The following TSHZ3 variants were observed in gnomAD, a reference collection of about 807,000 sequenced individuals.
TSHZ3 encodes the protein teashirt zinc finger homeobox 3.
Under a neutral mutation model 64.5 loss-of-function variants are expected in TSHZ3, and 10 were observed. The ratio of observed to expected loss-of-function variants is 0.16; its 90% CI spans 0.10 to 0.26. The LOEUF is 0.26. TSHZ3 is among the 10% of genes least tolerant of loss of function. The probability of loss-of-function intolerance (pLI) is 1.00; values close to 1 mark genes in which losing one functional copy is unlikely to be tolerated. For synonymous variants in TSHZ3, 608 were observed against 593.1 expected, an observed-to-expected ratio of 1.03 and a Z score of -0.36; for missense variants, 1,242 against 1,421.7, an observed-to-expected ratio of 0.87 and a Z score of 2.03.
intron 1 of TSHZ3, among the ~76,000 whole-genome samples, chr19:31,304,336 G>T: frequency 6.6e-6 from 1 of 152,108 alleles, no homozygotes; most frequent in African/African-American, 2.4e-5. Flanking sequence ...TGCTCAAGGG[G>T]ACTGGGCAAG....
intron 1 of TSHZ3, among the ~76,000 whole-genome samples, chr19:31,294,543 G>GA (rs1976631292): frequency 1.3e-5 from 2 of 152,122 alleles, no homozygotes; most frequent in African/African-American, 4.8e-5. Flanking sequence ...GATGGACAGT[G>GA]AAAAAATCAT....
At chr19:31,327,145 G>C (rs1350787528) in intron 1 of TSHZ3, among the ~76,000 whole-genome samples, 1 of 151,952 alleles carries the variant, frequency 6.6e-6, no homozygotes, top group Non-Finnish European at 1.5e-5. Context: ...ATGATCATGA[G>C]AACAGTACTG....
intron 5 of TSHZ3, among the ~76,000 whole-genome samples, chr19:31,163,907 G>A (rs1488615593): frequency 6.6e-6 from 1 of 152,138 alleles, no homozygotes; most frequent in African/African-American, 2.4e-5. Flanking sequence ...AGTGCTTCAT[G>A]GGCATTTTCT....
At chr19:31,300,988 A>T (rs948458530) in intron 1 of TSHZ3, among the ~76,000 whole-genome samples, 1 of 152,172 alleles carries the variant, frequency 6.6e-6, no homozygotes, top group African/African-American at 2.4e-5. Flanking sequence ...TGTGTCAATT[A>T]CTTGAAGGGT....
intron 1 of TSHZ3, among the ~76,000 whole-genome samples, chr19:31,324,015 G>C (rs761824930): frequency 6.6e-6 from 1 of 151,972 alleles, no homozygotes; most frequent in Non-Finnish European, 1.5e-5. Flanking sequence ...AAGCCACGAG[G>C]GGCATCTTCA....
intron 1 of TSHZ3, among the ~76,000 whole-genome samples, chr19:31,249,325 C>A (rs1486409456): frequency 6.6e-6 from 1 of 152,206 alleles, no homozygotes; most frequent in African/African-American, 2.4e-5. Context: ...AACGCATGTG[C>A]CTTTCCAGCG....
chr19:31,320,883 A>G (rs561158453), intron 1 of TSHZ3, among the ~76,000 whole-genome samples: 1 of 152,248 alleles, frequency 6.6e-6, no homozygotes, highest in African/African-American at 2.4e-5. Context: ...CGCAGTGTTC[A>G]ATTCTGAGAT....
chr19:31,287,176 GGAAA>G (rs1976478450), intron 1 of TSHZ3, among the ~76,000 whole-genome samples: 1 of 152,100 alleles, frequency 6.6e-6, no homozygotes, highest in South Asian at 2.1e-4. Flanking sequence ...GGGTGTGGGT[GGAAA>G]GAAAGGAAAA....
intron 1 of TSHZ3, among the ~76,000 whole-genome samples, chr19:31,328,899 C>CT (rs2145178199): frequency 6.6e-6 from 1 of 152,302 alleles, no homozygotes; most frequent in African/African-American, 2.4e-5. Flanking sequence ...TCTGCATATC[C>CT]TTTCAAACAT....
At chr19:31,213,389 A>AAAAAAAG (rs1432035434) in intron 4 of TSHZ3, among the ~76,000 whole-genome samples, 1 of 147,186 alleles carries the variant, frequency 6.8e-6, no homozygotes, top group Non-Finnish European at 1.5e-5. Flanking sequence ...AAAAAAAAAA[A>AAAAAAAG]AATCAGTGGT....
chr19:31,213,391 A>AAAAC (rs1975286728), intron 4 of TSHZ3, among the ~76,000 whole-genome samples: 2 of 145,292 alleles, frequency 1.4e-5, no homozygotes, highest in African/African-American at 2.7e-5. Context: ...AAAAAAAAAA[A>AAAAC]TCAGTGGTGT....
intron 5 of TSHZ3, among the ~76,000 whole-genome samples, chr19:31,164,651 A>G (rs553780754): frequency 6.6e-6 from 1 of 152,248 alleles, no homozygotes; most frequent in African/African-American, 2.4e-5. Context: ...TCTGGACCTC[A>G]GTTTTGGCAG....
At chr19:31,179,026 A>ATGATGATGAT (rs1052708154) in intron 5 of TSHZ3, among the ~76,000 whole-genome samples, 5 of 94,746 alleles carry the variant, frequency 5.3e-5, no homozygotes, top group African/African-American at 8.6e-5. Flanking sequence ...GATGATGATG[A>ATGATGATGAT]TGATGATGAT....
At chr19:31,203,989 G>A (rs1051524529) in intron 5 of TSHZ3, among the ~76,000 whole-genome samples, 4 of 152,124 alleles carry the variant, frequency 2.6e-5, no homozygotes, top group Admixed American at 2.0e-4. Context: ...CATGGCGGAA[G>A]GTGAAGGGGA....
chr19:31,349,039 A>G lies in TSHZ3; in HGVS notation c.40+141T>C, dbSNP rs1204930255. 6 of 1,065,398 alleles carry G rather than the reference A, an allele frequency of 5.6e-6. No homozygotes were observed. In the East Asian group the frequency reaches 1.3e-4, roughly 22 times the overall value. The allele number at this position is 1,065,398 out of a possible 1,614,324, so 66.0% of individuals were successfully genotyped here. A position where few individuals can be genotyped will look rare whatever the true frequency, so the allele number is the denominator to read the frequency against. On this transcript the variant is annotated intron_variant, in intron 1 of 1. Coordinates refer to ENST00000240587, the MANE Select transcript of TSHZ3 (RefSeq NM_020856.4). Reference sequence around the variant, plus strand: ...CCCGGTACCCGAGGCGGGCGCACGCACCCAAACAGGAGAGCGGCGCCCGGA... The same window carrying G: ...CCCGGTACCCGAGGCGGGCGCACGCGCCCAAACAGGAGAGCGGCGCCCGGA...
intron 3 of TSHZ3, among the ~76,000 whole-genome samples, chr19:31,230,972 G>C (rs1975532529): frequency 6.6e-6 from 1 of 151,774 alleles, no homozygotes; most frequent in East Asian, 1.9e-4. Flanking sequence ...AAAGTGCTGG[G>C]ATTACAGGCA....
intron 3 of TSHZ3, among the ~76,000 whole-genome samples, chr19:31,233,666 T>G (rs924910412): frequency 2.6e-5 from 4 of 152,148 alleles, no homozygotes; most frequent in Non-Finnish European, 5.9e-5. Flanking sequence ...ACCCCTAAAT[T>G]GCAGTTTTTC....
intron 5 of TSHZ3, among the ~76,000 whole-genome samples, chr19:31,197,833 C>T (rs1461810491): frequency 6.6e-6 from 1 of 151,974 alleles, no homozygotes; most frequent in African/African-American, 2.4e-5. Context: ...AAAGCACCAG[C>T]TCTAGATGGC....
At chr19:31,268,960 G>T (rs889830596) in intron 1 of TSHZ3, among the ~76,000 whole-genome samples, 10 of 152,236 alleles carry the variant, frequency 6.6e-5, no homozygotes, top group African/African-American at 2.2e-4. Flanking sequence ...GAGAGAGGGT[G>T]GGTTGGGCAA....
Sources: allele counts gnomAD v4.1 joint callset (sites outside exome capture counted in the v4.1 genomes callset), GRCh38; gene constraint gnomAD v4.1.1; transcripts MANE v1.5; gene names NCBI Gene and HGNC (gene_info 2026-07-23, HGNC 2026-07-21).